Variants in FOCAD observed in about 807,000 individuals in gnomAD.
FOCAD encodes KIAA1797.
A neutral mutation model predicts 225.6 loss-of-function variants in FOCAD; 198 were observed. That is an observed-to-expected ratio of 0.88 (90% confidence interval 0.78 to 0.99). FOCAD has a LOEUF of 0.99. Ranked by LOEUF, FOCAD falls within the 50% of genes least tolerant of loss-of-function variation. The pLI is 0.00. For missense variants in FOCAD, 2,713 were observed against 2,123.6 expected (o/e 1.28, Z -5.46); for synonymous variants, 897 against 755.0 (o/e 1.19, Z -3.08).
At chr9:20,849,083 A>G (rs1316190615) in intron 15 of FOCAD, among the ~76,000 whole-genome samples, 2 of 152,008 alleles carry the variant, frequency 1.3e-5, no homozygotes, top group African/African-American at 2.4e-5. Flanking sequence ...TTTGGAAAAA[A>G]TATATAAAAA....
intron 4 of FOCAD, among the ~76,000 whole-genome samples, chr9:20,725,150 C>G (rs1358787783): frequency 1.3e-5 from 2 of 152,196 alleles, no homozygotes; most frequent in Admixed American, 1.3e-4. Flanking sequence ...CCAGCCTGGA[C>G]AACAGAGTGA....
chr9:20,834,929 G>T (rs1338365477), intron 15 of FOCAD, among the ~76,000 whole-genome samples: 1 of 151,980 alleles, frequency 6.6e-6, no homozygotes, highest in East Asian at 1.9e-4. Context: ...ATTTCATATT[G>T]AAGTGAGAAT....
At chr9:20,923,916 G>A (rs1834700956) in intron 25 of FOCAD, 148 bp downstream of exon 25, 1 of 606,162 alleles carries the variant, frequency 1.6e-6, no homozygotes, top group South Asian at 2.2e-5. Context: ...GTGAGCCTCA[G>A]TGTCTTCCTA....
intron 18 of FOCAD, 33 bp downstream of exon 18, chr9:20,867,045 T>A: frequency 7.0e-7 from 1 of 1,427,258 alleles, no homozygotes; most frequent in Non-Finnish European, 9.7e-7. Flanking sequence ...TGGTATTTCT[T>A]AATTTGCTAG....
intron 18 of FOCAD, 31 bp from the exon 19 acceptor site, chr9:20,874,650 C>G: frequency 1.3e-6 from 2 of 1,596,224 alleles, no homozygotes; most frequent in Non-Finnish European, 1.7e-6. Flanking sequence ...TATTATTATC[C>G]TCTCTATGAT....
chr9:20,662,740 GCACC>G (rs1286636639), intron 2 of FOCAD, among the ~76,000 whole-genome samples: 1 of 152,084 alleles, frequency 6.6e-6, no homozygotes, highest in African/African-American at 2.4e-5. Flanking sequence ...GTGAGCCACG[GCACC>G]CAGCCAGATA....
chr9:20,888,824 T>G (rs184301031), intron 21 of FOCAD, among the ~76,000 whole-genome samples: 19 of 152,252 alleles, frequency 1.2e-4, no homozygotes, highest in Admixed American at 1.1e-3. Context: ...CTGCCATCCA[T>G]TTAAGATGTG....
At chr9:20,715,154 C>T (rs989565572) in intron 1 of FOCAD, among the ~76,000 whole-genome samples, 168 bp from the exon 2 acceptor site, 1 of 152,074 alleles carries the variant, frequency 6.6e-6, no homozygotes, top group Non-Finnish European at 1.5e-5. Flanking sequence ...CATTTGAGTG[C>T]TGGATGACAA....
intron 15 of FOCAD, among the ~76,000 whole-genome samples, chr9:20,843,987 C>A (rs1264745919): frequency 6.6e-6 from 1 of 152,080 alleles, no homozygotes. Context: ...AAATGAAAGA[C>A]AACCTTGGGC....
At chr9:20,842,695 A>G (rs1045255583) in intron 15 of FOCAD, among the ~76,000 whole-genome samples, 12 of 152,000 alleles carry the variant, frequency 7.9e-5, no homozygotes, top group Non-Finnish European at 1.8e-4. Flanking sequence ...TTTTGATTGC[A>G]GAGTTTAGGC....
intron 6 of FOCAD, among the ~76,000 whole-genome samples, chr9:20,761,846 T>A (rs1829632137): frequency 6.6e-6 from 1 of 152,200 alleles, no homozygotes; most frequent in Admixed American, 6.5e-5. Context: ...GAAAACATTT[T>A]AAATCACTTT....
chr9:20,687,877 G>T (rs1822757943), intron 1 of FOCAD, among the ~76,000 whole-genome samples: 2 of 152,276 alleles, frequency 1.3e-5, no homozygotes, highest in South Asian at 4.1e-4. Context: ...AGAAAACTGT[G>T]TGCAAGGTTT....
intron 11 of FOCAD, among the ~76,000 whole-genome samples, chr9:20,807,421 T>C (rs1380212528): frequency 2.0e-5 from 3 of 152,238 alleles, no homozygotes; most frequent in Admixed American, 1.3e-4. Context: ...ATGAGCTACA[T>C]ACGTAGGTTT....
rs1342036266 is a variant in FOCAD at position 20,744,804 on chromosome 9, G to A, written c.392+4464G>A. Reference sequence around the variant, plus strand: ...CTTTCAATATAAATAAAGTTTTTATGTGAAATCTCCTGACTGAATGCTGAC... The same window carrying A: ...CTTTCAATATAAATAAAGTTTTTATATGAAATCTCCTGACTGAATGCTGAC... On this transcript the variant is annotated intron_variant, in intron 5 of 43. Transcript: ENST00000338382. Among the ~76,000 whole-genome samples the A allele has an allele frequency of 2.0e-5, 3 of 152,250 alleles. No homozygotes were observed. The East Asian group carries it at 5.8e-4, about 29-fold the overall frequency.
chr9:20,679,041 T>C (rs2131294959), intron 2 of FOCAD, among the ~76,000 whole-genome samples: 1 of 151,914 alleles, frequency 6.6e-6, no homozygotes, highest in East Asian at 1.9e-4. Flanking sequence ...GCCAAGATCT[T>C]GCAGCAGCCA....
At chr9:20,706,353 C>T (rs1370000637) in intron 1 of FOCAD, among the ~76,000 whole-genome samples, 1 of 152,096 alleles carries the variant, frequency 6.6e-6, no homozygotes, top group Admixed American at 6.6e-5. Flanking sequence ...CTGTAAGTAG[C>T]ATGTGATATT....
chr9:20,729,181 A>G (rs1019613878), intron 4 of FOCAD, among the ~76,000 whole-genome samples: 45 of 152,212 alleles, frequency 3.0e-4, no homozygotes, highest in African/African-American at 9.9e-4. Flanking sequence ...TCATGATTTC[A>G]TGATGCCTTG....
At chr9:20,853,497 C>T (rs1454644938) in intron 15 of FOCAD, among the ~76,000 whole-genome samples, 2 of 151,758 alleles carry the variant, frequency 1.3e-5, no homozygotes, top group African/African-American at 2.4e-5. Flanking sequence ...GTCTCTGTTA[C>T]ACCTCTTTTG....
intron 1 of FOCAD, among the ~76,000 whole-genome samples, chr9:20,694,256 C>T (rs374991220): frequency 6.6e-6 from 1 of 152,190 alleles, no homozygotes; most frequent in Admixed American, 6.5e-5. Flanking sequence ...GTCTTAGACT[C>T]TCTCCACCTC....
Sources: gnomAD v4.1 joint callset for allele counts (sites outside exome capture counted in the v4.1 genomes callset) on GRCh38, gnomAD v4.1.1 for gene constraint, MANE v1.5 for transcripts, NCBI Gene and HGNC (gene_info 2026-07-23, HGNC 2026-07-21) for gene names.